LRGUK: variants seen among roughly 807,000 people sequenced by gnomAD.
The protein encoded by LRGUK is leucine rich repeats and guanylate kinase domain containing, also known as leucine-rich repeat and guanylate kinase domain-containing protein.
Under a neutral mutation model 76.0 loss-of-function variants are expected in LRGUK, and 65 were observed. The observed-to-expected ratio is 0.85, with a 90% CI of 0.70 to 1.05. The LOEUF (loss-of-function observed/expected upper bound fraction) is 1.05. LRGUK is among the 50% of genes least tolerant of loss of function. The pLI is 0.00. For missense variants in LRGUK, 758 were observed against 732.8 expected (o/e 1.03, Z -0.40); for synonymous variants, 268 against 265.6 (o/e 1.01, Z -0.09).
chr7:134,258,110 T>C (rs1031285411), intron 18 of LRGUK, 147 bp from the exon 19 acceptor site: 9 of 941,970 alleles, frequency 9.6e-6, no homozygotes, highest in Admixed American at 2.3e-5. Flanking sequence ...ATAGACACTG[T>C]TGAACACTAG....
chr7:134,182,052 T>C (rs1477561054), intron 10 of LRGUK, among the ~76,000 whole-genome samples: 1 of 152,202 alleles, frequency 6.6e-6, no homozygotes, highest in Admixed American at 6.5e-5. Flanking sequence ...TCCCTGTCTC[T>C]ATCTATAATG....
chr7:134,236,676 G>A (rs1790970630), intron 16 of LRGUK, among the ~76,000 whole-genome samples: 1 of 152,154 alleles, frequency 6.6e-6, no homozygotes, highest in Admixed American at 6.6e-5. Context: ...TGTTCTTCTA[G>A]CAGAAGTTTC....
intron 6 of LRGUK, among the ~76,000 whole-genome samples, chr7:134,161,183 T>C (rs1213261173): frequency 3.3e-5 from 5 of 152,196 alleles, no homozygotes; most frequent in African/African-American, 4.8e-5. Flanking sequence ...CTACCACATC[T>C]AAAGCATTTC....
intron 11 of LRGUK, among the ~76,000 whole-genome samples, chr7:134,188,671 T>C (rs909987524): frequency 1.3e-5 from 2 of 152,160 alleles, no homozygotes; most frequent in Non-Finnish European, 2.9e-5. Context: ...TATATTTGCA[T>C]TGGGTATTCA....
At chr7:134,150,410 C>T (rs1006868798) in intron 5 of LRGUK, among the ~76,000 whole-genome samples, 7 of 150,828 alleles carry the variant, frequency 4.6e-5, no homozygotes, top group Admixed American at 1.3e-4. Context: ...TGCAGTGAGC[C>T]GAGATTGCAC....
rs531349880 is a variant in LRGUK at position 134,249,409 on chromosome 7, A to G, written c.2198+333A>G. 3.9e-5 allele frequency among the ~76,000 whole-genome samples: 6 copies of G among 152,270 alleles called. No individual in the cohort carries two copies. In the East Asian group the frequency reaches 1.2e-3, roughly 29 times the overall value. On this transcript the variant is annotated intron_variant, in intron 18 of 19. Transcript: ENST00000285928. ...GACATCCATTGTGGTAAGGCAGGCA[A>G]TGATGTTCTGCTAATCTCTTCCTGT... is the stretch of plus-strand genomic sequence containing the variant.
chr7:134,249,798 A>G (rs1802399681), intron 18 of LRGUK, among the ~76,000 whole-genome samples: 2 of 152,196 alleles, frequency 1.3e-5, no homozygotes, highest in African/African-American at 4.8e-5. Flanking sequence ...AGAACATTCT[A>G]CTACATTTTG....
intron 5 of LRGUK, among the ~76,000 whole-genome samples, chr7:134,148,848 G>A (rs992932398): frequency 6.6e-6 from 1 of 151,852 alleles, no homozygotes; most frequent in Non-Finnish European, 1.5e-5. Flanking sequence ...CAGGGAAGTG[G>A]AGGTTGTAGT....
chr7:134,212,605 T>C (rs1451785300), downstream of LRGUK, among the ~76,000 whole-genome samples: 1 of 152,258 alleles, frequency 6.6e-6, no homozygotes, highest in Non-Finnish European at 1.5e-5. Flanking sequence ...TTTATCTGAT[T>C]TGTCCATGAT....
At chr7:134,167,209 T>A (rs186721487) in intron 7 of LRGUK, among the ~76,000 whole-genome samples, 1 of 152,224 alleles carries the variant, frequency 6.6e-6, no homozygotes, top group South Asian at 2.1e-4. Context: ...CAAGGCAGGA[T>A]ACCCTGATCT....
exon 12 of LRGUK, chr7:134,191,660 G>T: frequency 1.2e-6 from 2 of 1,608,970 alleles, no homozygotes; most frequent in Non-Finnish European, 1.7e-6. Flanking sequence ...TTCAGGGCCT[G>T]TCATACCACA....
intron 11 of LRGUK, 28 bp from the exon 12 acceptor site, chr7:134,191,627 G>T: frequency 7.1e-7 from 1 of 1,414,644 alleles, no homozygotes. Flanking sequence ...GTTAGAAATG[G>T]ACTAGGTGAT....
intron 16 of LRGUK, among the ~76,000 whole-genome samples, chr7:134,232,132 ATCT>A (rs1801915848): frequency 6.6e-6 from 1 of 152,118 alleles, no homozygotes; most frequent in Non-Finnish European, 1.5e-5. Flanking sequence ...TAGTAGTGAG[ATCT>A]TCTGGTCTAC....
intron 1 of LRGUK, 25 bp downstream of exon 1, chr7:134,127,689 C>T: frequency 6.3e-7 from 1 of 1,591,418 alleles, no homozygotes. Context: ...CCACCCCGTA[C>T]TCCCTGGCTC....
intron 1 of LRGUK, among the ~76,000 whole-genome samples, chr7:134,134,887 G>A (rs17167457): frequency 0.11 from 16,102 of 152,168 alleles, 1,118 homozygotes; most frequent in East Asian, 0.33. Flanking sequence ...GGAACACTAC[G>A]TTGCACATAC....
At chr7:134,130,984 T>C (rs992791208) in intron 1 of LRGUK, among the ~76,000 whole-genome samples, 3 of 152,248 alleles carry the variant, frequency 2.0e-5, no homozygotes, top group African/African-American at 4.8e-5. Flanking sequence ...CAGTTAATAA[T>C]ACAAATAGTA....
downstream of LRGUK, among the ~76,000 whole-genome samples, chr7:134,212,371 A>G (rs971734934): frequency 1.3e-5 from 2 of 152,264 alleles, no homozygotes; most frequent in Non-Finnish European, 2.9e-5. Context: ...TACTGTGTAC[A>G]CAGCAGCATG....
At chr7:134,273,265 C>A in the LRGUK span, among the ~76,000 whole-genome samples, 32 of 152,252 alleles carry the variant, frequency 2.1e-4, no homozygotes, top group African/African-American at 7.5e-4. Flanking sequence ...ACTTGGCGAA[C>A]CTGATGCCTG....
chr7:134,209,434 C>A, exon 16 of LRGUK: 1 of 399,136 alleles, frequency 2.5e-6, no homozygotes, highest in South Asian at 1.3e-4. Flanking sequence ...CCATCCGAGT[C>A]AGTATCCCTC....
Sources: gnomAD v4.1 joint callset for allele counts (sites outside exome capture counted in the v4.1 genomes callset) on GRCh38, gnomAD v4.1.1 for gene constraint, MANE v1.5 for transcripts, NCBI Gene and HGNC (gene_info 2026-07-23, HGNC 2026-07-21) for gene names.